NRG3: variants seen among roughly 807,000 people sequenced by gnomAD.
NRG3 encodes pro-neuregulin-3, membrane-bound isoform.
Under a neutral mutation model 66.9 loss-of-function variants are expected in NRG3, and 31 were observed. The observed-to-expected ratio is 0.46, with a 90% confidence interval of 0.35 to 0.63. NRG3 has a LOEUF of 0.63. Among genes scored for constraint, NRG3 ranks in the 20% least tolerant of loss-of-function variants. NRG3 has a pLI of 0.00. For missense variants in NRG3, 910 were observed against 878.9 expected, an observed-to-expected ratio of 1.04 and a Z score of -0.45; for synonymous variants, 393 against 359.4, an observed-to-expected ratio of 1.09 and a Z score of -1.06.
intron 3 of NRG3, among the ~76,000 whole-genome samples, chr10:82,843,689 C>G (rs1400700011): frequency 6.6e-6 from 1 of 151,988 alleles, no homozygotes; most frequent in East Asian, 1.9e-4. Context: ...AAAAGAAACA[C>G]CCTTCAATGA....
chr10:82,304,065 A>G lies in NRG3; in HGVS notation c.824-54674A>G, dbSNP rs184641000. On this transcript the variant is annotated intron_variant, in intron 1 of 8. Coordinates refer to ENST00000372141, the MANE Select transcript of NRG3 (RefSeq NM_001010848.4). ...TTGGGGTATAAGAGTGTGGGTTTGT[A>G]TATTTTTATTAGATAGTGCCAAATT... Among the ~76,000 whole-genome samples the G allele has an allele frequency of 3.8e-3, 577 of 152,186 alleles. 2 individuals are homozygous for G. The highest frequency in any genetic ancestry group is 6.2e-3 in the African/African-American group (256 of 41,530).
At chr10:82,739,119 A>G (rs547999420) in intron 3 of NRG3, among the ~76,000 whole-genome samples, 6 of 152,360 alleles carry the variant, frequency 3.9e-5, no homozygotes, top group Admixed American at 3.3e-4. Flanking sequence ...TTTCAAGCAG[A>G]CTTTGAAAAC....
At chr10:82,173,346 C>G (rs1388870949) in intron 1 of NRG3, among the ~76,000 whole-genome samples, 1 of 151,982 alleles carries the variant, frequency 6.6e-6, no homozygotes, top group South Asian at 2.1e-4. Flanking sequence ...AACTGGTACA[C>G]TACTGTCAAG....
chr10:82,906,053 C>T (rs1031086044), intron 4 of NRG3, among the ~76,000 whole-genome samples: 1 of 152,186 alleles, frequency 6.6e-6, no homozygotes, highest in Non-Finnish European at 1.5e-5. Context: ...CACCCAGCTA[C>T]GTGCTATCCT....
At chr10:81,991,107 T>C (rs2133571549) in intron 1 of NRG3, among the ~76,000 whole-genome samples, 1 of 152,256 alleles carries the variant, frequency 6.6e-6, no homozygotes, top group East Asian at 1.9e-4. Context: ...CCTATGTCCA[T>C]AGAACCAGGA....
At chr10:81,988,349 T>C (rs2060605809) in intron 1 of NRG3, among the ~76,000 whole-genome samples, 1 of 152,186 alleles carries the variant, frequency 6.6e-6, no homozygotes, top group Non-Finnish European at 1.5e-5. Flanking sequence ...GTAAGAAATG[T>C]GAGGAAACCA....
At chr10:82,865,458 C>T (rs1368891365) in intron 4 of NRG3, 21 bp downstream of exon 4, 1 of 1,610,274 alleles carries the variant, frequency 6.2e-7, no homozygotes. Context: ...ACAATTTGCT[C>T]ATTTAATATC....
chr10:82,973,494 C>T (rs1329330688), intron 6 of NRG3, among the ~76,000 whole-genome samples: 1 of 152,098 alleles, frequency 6.6e-6, no homozygotes, highest in East Asian at 1.9e-4. Flanking sequence ...TTTTGGCTGT[C>T]AGTCATAGTG....
At chr10:82,677,040 TTCTTTCTC>T (rs932005720) in intron 2 of NRG3, among the ~76,000 whole-genome samples, 12 of 150,638 alleles carry the variant, frequency 8.0e-5, no homozygotes, top group Admixed American at 2.0e-4. Flanking sequence ...CTTTCTTTCT[TTCTTTCTC>T]TCTCTCTCTC....
chr10:82,418,906 G>T (rs1385891533), intron 2 of NRG3, among the ~76,000 whole-genome samples: 1 of 152,060 alleles, frequency 6.6e-6, no homozygotes, highest in South Asian at 2.1e-4. Context: ...AAATCAGTCA[G>T]ATATTTAAGC....
intron 4 of NRG3, among the ~76,000 whole-genome samples, chr10:82,910,891 A>G (rs1845251766): frequency 6.6e-6 from 1 of 152,258 alleles, no homozygotes; most frequent in Non-Finnish European, 1.5e-5. Context: ...CTTGGAACAT[A>G]GTAACTGAAG....
intron 1 of NRG3, among the ~76,000 whole-genome samples, chr10:82,019,960 A>G (rs1423144639): frequency 6.6e-6 from 1 of 151,654 alleles, no homozygotes; most frequent in Non-Finnish European, 1.5e-5. Context: ...TGATCTTAGT[A>G]ATTTCTTGCC....
chr10:82,607,458 T>C (rs923906404), intron 2 of NRG3, among the ~76,000 whole-genome samples: 1 of 152,086 alleles, frequency 6.6e-6, no homozygotes, highest in East Asian at 1.9e-4. Context: ...TCTTTTACTT[T>C]TACTCTATCT....
intron 1 of NRG3, among the ~76,000 whole-genome samples, chr10:81,945,939 A>G (rs1848805612): frequency 6.6e-6 from 1 of 152,138 alleles, no homozygotes; most frequent in South Asian, 2.1e-4. Flanking sequence ...AAACCACCGG[A>G]AGCTAGGAGA....
chr10:82,467,905 G>T (rs960236905), intron 2 of NRG3, among the ~76,000 whole-genome samples: 9 of 151,960 alleles, frequency 5.9e-5, no homozygotes, highest in African/African-American at 2.2e-4. Flanking sequence ...TTCATGTTGT[G>T]TGTGTGTGTA....
intron 1 of NRG3, among the ~76,000 whole-genome samples, chr10:82,133,102 T>G (rs1210608393): frequency 6.6e-6 from 1 of 152,054 alleles, no homozygotes; most frequent in Non-Finnish European, 1.5e-5. Context: ...CTACTAATTT[T>G]AGATTTTGTT....
chr10:82,250,962 C>A (rs1442754509), intron 1 of NRG3, among the ~76,000 whole-genome samples: 1 of 152,214 alleles, frequency 6.6e-6, no homozygotes, highest in Non-Finnish European at 1.5e-5. Flanking sequence ...TGACTGACAA[C>A]GTTCTGGCTT....
intron 2 of NRG3, among the ~76,000 whole-genome samples, chr10:82,696,657 C>T (rs577957182): frequency 1.3e-5 from 2 of 152,128 alleles, no homozygotes; most frequent in Non-Finnish European, 2.9e-5. Flanking sequence ...GAAGGCCAAG[C>T]ACATGCCCCC....
intron 2 of NRG3, among the ~76,000 whole-genome samples, chr10:82,575,754 T>C (rs1203873266): frequency 1.3e-5 from 2 of 151,812 alleles, no homozygotes; most frequent in Non-Finnish European, 2.9e-5. Context: ...TCATTTGATA[T>C]CAGAAGAATT....
Sources: gnomAD v4.1 joint callset for allele counts (sites outside exome capture counted in the v4.1 genomes callset) on GRCh38, gnomAD v4.1.1 for gene constraint, MANE v1.5 for transcripts, NCBI Gene and HGNC (gene_info 2026-07-23, HGNC 2026-07-21) for gene names.